ARID1B: variants seen among roughly 807,000 people sequenced by gnomAD.
ARID1B encodes AT-rich interaction domain 1B.
ARID1B carries 30 observed loss-of-function variants against 212.3 expected under a neutral mutation model. The observed-to-expected ratio is 0.14, with a 90% CI of 0.11 to 0.19. The LOEUF (loss-of-function observed/expected upper bound fraction) is 0.19. Among genes scored for constraint, ARID1B ranks in the 10% least tolerant of loss-of-function variants. The pLI is 1.00. For synonymous variants in ARID1B, 1,402 were observed against 1,301.7 expected (o/e 1.08, Z -1.66); for missense variants, 2,891 against 3,204.0 (o/e 0.90, Z 2.36).
intron 3 of ARID1B, among the ~76,000 whole-genome samples, chr6:156,925,978 C>T (rs544672313): frequency 6.6e-6 from 1 of 152,290 alleles, no homozygotes; most frequent in South Asian, 2.1e-4. Context: ...GGAAACTAAG[C>T]TGTTTGGAGT....
chr6:157,174,130 C>T lies in ARID1B; in HGVS notation c.3345+13C>T. The T allele has an allele frequency of 6.2e-7, 1 of 1,609,742 alleles. No individual in the cohort carries two copies. The highest frequency in any genetic ancestry group is 8.5e-7 in the Non-Finnish European group (1 of 1,176,058). ...GAGCAAGTCAAAGGTACTTCCTTCGCCTCTGCACGCGGTGTGAGGTCTGCC... is the reference window on the plus strand; with the variant it reads ...GAGCAAGTCAAAGGTACTTCCTTCGTCTCTGCACGCGGTGTGAGGTCTGCC... On this transcript the variant is annotated intron_variant, in intron 10 of 19. Transcript: ENST00000636930.
chr6:157,017,456 GTTTGT>G (rs1779975042), intron 4 of ARID1B, among the ~76,000 whole-genome samples: 1 of 152,138 alleles, frequency 6.6e-6, no homozygotes, highest in Non-Finnish European at 1.5e-5. Context: ...TATAAAATAT[GTTTGT>G]TTTGGCTATT....
intron 1 of ARID1B, among the ~76,000 whole-genome samples, chr6:156,811,890 A>G (rs1271720498): frequency 6.6e-6 from 1 of 152,192 alleles, no homozygotes; most frequent in Non-Finnish European, 1.5e-5. Context: ...GTATATATAT[A>G]GATGCCTTCC....
chr6:157,195,428 G>A (rs1227930881), intron 15 of ARID1B: 4 of 152,238 alleles, frequency 2.6e-5, no homozygotes, highest in African/African-American at 9.7e-5. Flanking sequence ...AAGGCCAGCA[G>A]GAAAATATCT....
At chr6:157,017,040 C>CAA (rs1377144127) in intron 4 of ARID1B, among the ~76,000 whole-genome samples, 6 of 152,120 alleles carry the variant, frequency 3.9e-5, no homozygotes, top group Non-Finnish European at 8.8e-5. Context: ...AAAATAATTC[C>CAA]ACCTGTTTCC....
At chr6:156,784,396 G>T (rs1779492691) in intron 1 of ARID1B, among the ~76,000 whole-genome samples, 3 of 152,134 alleles carry the variant, frequency 2.0e-5, no homozygotes, top group Non-Finnish European at 4.4e-5. Flanking sequence ...TAGCTTGGAG[G>T]CTATTTGAAT....
intron 19 of ARID1B, chr6:157,205,939 C>A: frequency 1.8e-6 from 1 of 548,902 alleles, no homozygotes; most frequent in Non-Finnish European, 3.3e-6. Context: ...AAGGAAGCAG[C>A]AAATAAGGAA....
At chr6:157,048,296 A>G (rs1782370600) in intron 4 of ARID1B, among the ~76,000 whole-genome samples, 2 of 152,222 alleles carry the variant, frequency 1.3e-5, no homozygotes, top group African/African-American at 2.4e-5. Context: ...AACCTGTTGA[A>G]TTAATACTTG....
chr6:157,042,169 G>C (rs930896186), intron 4 of ARID1B, among the ~76,000 whole-genome samples: 1 of 152,118 alleles, frequency 6.6e-6, no homozygotes, highest in East Asian at 1.9e-4. Flanking sequence ...ATATCCTGCC[G>C]AATGAATGAA....
Position 156,785,222 on chromosome 6 carries a change from C to T in ARID1B, c.1791+5751C>T, listed in dbSNP as rs185350130. 9.2e-5 allele frequency among the ~76,000 whole-genome samples: 14 copies of T among 152,292 alleles called. No individual in the cohort carries two copies. The East Asian group carries it at 2.3e-3, about 25-fold the overall frequency. On this transcript the variant is annotated intron_variant, in intron 1 of 19. Transcript: ENST00000636930. ...TTATTACCAGGCACCAGACTAAAGC[C>T]CTAAAATCTTAAGCCTATCTGGTTT...
chr6:157,109,406 T>C (rs779050450), intron 5 of ARID1B, among the ~76,000 whole-genome samples: 6 of 152,192 alleles, frequency 3.9e-5, no homozygotes, highest in South Asian at 2.1e-4. Flanking sequence ...CCCAGAGGAC[T>C]ATGCAATGTT....
At chr6:156,779,905 G>T (rs905741493) in intron 1 of ARID1B, among the ~76,000 whole-genome samples, 1 of 152,154 alleles carries the variant, frequency 6.6e-6, no homozygotes, top group Non-Finnish European at 1.5e-5. Context: ...CCCACAATGT[G>T]CTTTAACGGG....
intron 6 of ARID1B, among the ~76,000 whole-genome samples, chr6:157,117,855 T>TC (rs150119437): frequency 0.055 from 8,321 of 152,176 alleles, 349 homozygotes; most frequent in Non-Finnish European, 0.086. Flanking sequence ...CTGCTGCTGC[T>TC]CCCCCCTGCC....
intron 2 of ARID1B, among the ~76,000 whole-genome samples, chr6:156,843,599 G>C (rs1326452248): frequency 5.3e-5 from 8 of 152,110 alleles, no homozygotes; most frequent in Admixed American, 2.0e-4. Flanking sequence ...AGGAATGTAG[G>C]GGGGGTGTTA....
At chr6:156,851,747 G>A (rs1583160935) in intron 2 of ARID1B, among the ~76,000 whole-genome samples, 1 of 152,158 alleles carries the variant, frequency 6.6e-6, no homozygotes, top group Non-Finnish European at 1.5e-5. Context: ...TTTATTGGTC[G>A]AGTGCTTCAC....
chr6:157,149,156 G>A (rs1790019027), intron 8 of ARID1B: 3 of 598,764 alleles, frequency 5.0e-6, no homozygotes, highest in Admixed American at 3.0e-5. Context: ...GATACATGAG[G>A]AAGGAATGTG....
At chr6:157,046,083 A>G (rs1362235287) in intron 4 of ARID1B, among the ~76,000 whole-genome samples, 20 of 152,182 alleles carry the variant, frequency 1.3e-4, no homozygotes, top group Admixed American at 1.3e-3. Flanking sequence ...GTTTAAAACA[A>G]ATTTGCTTTA....
At position 156,779,048 on chromosome 6, in the gene ARID1B, G is replaced by A. The variant is rs2114994542; in HGVS notation, c.1368G>A (p.Gln456=). 8.2e-7 allele frequency: 1 copy of A among 1,225,298 alleles called. No homozygotes were observed. Among genetic ancestry groups the A allele is most frequent in the Non-Finnish European group, 1.0e-6 (1 of 987,274 alleles). 75.9% of individuals were successfully genotyped at this position (1,225,298 alleles called of 1,614,324 possible). The stretch of plus-strand genomic sequence containing the variant: ...ACGGGGTGCTGAGCTCCCCCCGGCA[G>A]CAGGGCGGCGGCATGATGATGGGCC... ...AGYGVLSSPR[Q]QGGGMMMGPG... Residue 456 remains glutamine (Q), a synonymous_variant, in exon 1 of 20, where the codon CAG becomes CAA. Coordinates refer to ENST00000636930, the MANE Select transcript of ARID1B (RefSeq NM_001374828.1).
intron 7 of ARID1B, among the ~76,000 whole-genome samples, chr6:157,144,601 GGGAGGA>G (rs542784525): frequency 6.6e-6 from 1 of 152,088 alleles, no homozygotes; most frequent in Non-Finnish European, 1.5e-5. Context: ...TGTGAGCTTG[GGGAGGA>G]GGAGGAGGAG....
Sources: allele counts gnomAD v4.1 joint callset (sites outside exome capture counted in the v4.1 genomes callset), GRCh38; gene constraint gnomAD v4.1.1; transcripts MANE v1.5; gene names NCBI Gene and HGNC (gene_info 2026-07-23, HGNC 2026-07-21).